Variants in RPTOR observed in about 807,000 individuals in gnomAD.
RPTOR encodes the protein regulatory associated protein of MTOR complex 1.
Under a neutral mutation model 169.9 loss-of-function variants are expected in RPTOR, and 21 were observed. The observed-to-expected ratio is 0.12, with a 90% CI of 0.09 to 0.18. RPTOR has a LOEUF of 0.18. Among genes scored for constraint, RPTOR ranks in the 10% least tolerant of loss-of-function variants. The pLI is 1.00. For synonymous variants in RPTOR, 732 were observed against 753.2 expected, an observed-to-expected ratio of 0.97 and a Z score of 0.46; for missense variants, 1,133 against 1,855.9, an observed-to-expected ratio of 0.61 and a Z score of 7.16.
At chr17:80,756,564 G>C (rs764021531) in intron 6 of RPTOR, among the ~76,000 whole-genome samples, 22 of 152,174 alleles carry the variant, frequency 1.4e-4, no homozygotes, top group Non-Finnish European at 2.8e-4. Flanking sequence ...CAGTCTTCCT[G>C]CAGCAAGGAT....
intron 3 of RPTOR, among the ~76,000 whole-genome samples, chr17:80,690,945 A>T (rs1598225729): frequency 6.6e-6 from 1 of 152,086 alleles, no homozygotes; most frequent in South Asian, 2.1e-4. Context: ...CAGGCACATG[A>T]CACTATGCCT....
At chr17:80,799,866 C>T (rs1363489333) in intron 7 of RPTOR, among the ~76,000 whole-genome samples, 1 of 152,216 alleles carries the variant, frequency 6.6e-6, no homozygotes, top group South Asian at 2.1e-4. Context: ...CATAACGTGA[C>T]AGATGGGCAG....
chr17:80,605,098 C>T (rs2315927), intron 1 of RPTOR, among the ~76,000 whole-genome samples: 41,247 of 152,020 alleles, frequency 0.27, 6,105 homozygotes, highest in East Asian at 0.42. Flanking sequence ...ATGGCCAAGA[C>T]GGTTAAGACG....
At chr17:80,906,167 C>T (rs550133425) in intron 20 of RPTOR, among the ~76,000 whole-genome samples, 4 of 151,928 alleles carry the variant, frequency 2.6e-5, no homozygotes, top group Admixed American at 6.5e-5. Flanking sequence ...GGGCCTGTCG[C>T]GGGAGGGAAT....
intron 1 of RPTOR, among the ~76,000 whole-genome samples, chr17:80,595,030 AAGAAGGG>A (rs1002196247): frequency 3.5e-5 from 5 of 143,174 alleles, no homozygotes; most frequent in Non-Finnish European, 7.8e-5. Flanking sequence ...TAAGGGGAAC[AAGAAGGG>A]AGAGAGAGAG....
chr17:80,667,986 G>A (rs563878811), intron 3 of RPTOR, among the ~76,000 whole-genome samples: 1 of 152,182 alleles, frequency 6.6e-6, no homozygotes, highest in African/African-American at 2.4e-5. Context: ...CTTCAGATGG[G>A]ATTCTGGAAC....
In RPTOR at chr17:80,545,082, G is replaced by C. The variant is rs1222859891; in HGVS notation, c.-548G>C. The C allele has an allele frequency of 4.3e-6, 1 of 233,510 alleles. No homozygotes were observed. The highest frequency in any genetic ancestry group is 8.5e-6 in the Non-Finnish European group (1 of 118,046). 14.5% of individuals were successfully genotyped at this position (233,510 alleles called of 1,614,324 possible). A position where few individuals can be genotyped will look rare whatever the true frequency, so the allele number is the denominator to read the frequency against. The stretch of plus-strand genomic sequence containing the variant: ...CGGGTGCAGGCGAGCACGATGGGCC[G>C]GTCGTGGCTCTGGTTGCAGCAGCTC... On this transcript the variant is annotated 5_prime_UTR_variant, in exon 1 of 34. Coordinates refer to ENST00000306801, the MANE Select transcript of RPTOR (RefSeq NM_020761.3).
rs2066659195 is a variant in RPTOR, at chr17:80,754,345, A to T, written c.830+160A>T. ...TTGTGTCATTCGGGATTCCAGGTGGAGGTTTGGGTTCTACTCTTTGAGAGC... is the reference window on the plus strand; with the variant it reads ...TTGTGTCATTCGGGATTCCAGGTGGTGGTTTGGGTTCTACTCTTTGAGAGC... On this transcript the variant is annotated intron_variant, in intron 6 of 33. Transcript: ENST00000306801. This position sits in a 1 kb window ranked among gnomAD's most constrained non-coding sequence, Gnocchi z 4.2. Among the ~76,000 whole-genome samples the T allele has an allele frequency of 1.3e-5, 2 of 151,972 alleles. No homozygotes were observed. Among genetic ancestry groups the T allele is most frequent in the South Asian group, 4.2e-4 (2 of 4,814 alleles).
intron 27 of RPTOR, among the ~76,000 whole-genome samples, chr17:80,948,027 A>T (rs76260343): frequency 0.023 from 3,453 of 152,310 alleles, 135 homozygotes; most frequent in African/African-American, 0.08. Flanking sequence ...CTTTGAAAAC[A>T]CGTGTCCATT....
intron 9 of RPTOR, among the ~76,000 whole-genome samples, chr17:80,834,590 T>G (rs2067543120): frequency 6.6e-6 from 1 of 152,156 alleles, no homozygotes; most frequent in East Asian, 1.9e-4. Context: ...CCCCCAGCCT[T>G]TTAGGAGCAC....
intron 13 of RPTOR, among the ~76,000 whole-genome samples, chr17:80,859,417 G>A (rs1429849625): frequency 6.6e-6 from 1 of 152,154 alleles, no homozygotes; most frequent in Non-Finnish European, 1.5e-5. Flanking sequence ...CAGGGTTGTT[G>A]GGGACAAAGA....
chr17:80,728,739 T>A (rs2066362304), intron 4 of RPTOR, among the ~76,000 whole-genome samples: 1 of 133,968 alleles, frequency 7.5e-6, no homozygotes, highest in Admixed American at 7.2e-5. Flanking sequence ...GCTCTTGTGC[T>A]TTTTTTTTTC....
intron 5 of RPTOR, among the ~76,000 whole-genome samples, chr17:80,741,133 A>C (rs2066478464): frequency 6.6e-6 from 1 of 152,230 alleles, no homozygotes; most frequent in Non-Finnish European, 1.5e-5. Context: ...CAAGGTTCTC[A>C]AGATGTGAAA....
intron 24 of RPTOR, among the ~76,000 whole-genome samples, chr17:80,926,895 A>AAT (rs1044221442): frequency 8.5e-5 from 13 of 152,128 alleles, no homozygotes; most frequent in African/African-American, 3.1e-4. Context: ...GAGTCGGGGG[A>AAT]AAAGAATCAA....
chr17:80,611,408 C>T (rs1463394279), intron 1 of RPTOR, among the ~76,000 whole-genome samples: 2 of 151,938 alleles, frequency 1.3e-5, no homozygotes, highest in Middle Eastern at 3.2e-3. Flanking sequence ...ATTATAGGCA[C>T]GCACCACCAC....
At chr17:80,742,765 C>G (rs956606914) in intron 5 of RPTOR, among the ~76,000 whole-genome samples, 1 of 151,984 alleles carries the variant, frequency 6.6e-6, no homozygotes, top group East Asian at 1.9e-4. Flanking sequence ...CATATAGACA[C>G]GCACATGTAT....
intron 24 of RPTOR, among the ~76,000 whole-genome samples, chr17:80,937,684 C>G (rs2068970936): frequency 6.6e-6 from 1 of 152,222 alleles, no homozygotes; most frequent in Non-Finnish European, 1.5e-5. Context: ...ACTGAAAAGC[C>G]TTTATTCAGC....
intron 9 of RPTOR, among the ~76,000 whole-genome samples, chr17:80,831,839 G>A (rs1278918959): frequency 3.0e-5 from 2 of 66,732 alleles, no homozygotes; most frequent in South Asian, 5.7e-4. Flanking sequence ...GTGTGTCACT[G>A]TGTATCCCTG....
At chr17:80,891,679 C>T in intron 17 of RPTOR, 41 bp from the exon 18 acceptor site, 1 of 1,340,276 alleles carries the variant, frequency 7.5e-7, no homozygotes, top group Non-Finnish European at 1.1e-6. Flanking sequence ...AATCATTTTC[C>T]AGCCCCAGTG....
Sources: allele counts gnomAD v4.1 joint callset (sites outside exome capture counted in the v4.1 genomes callset), GRCh38; gene constraint gnomAD v4.1.1; non-coding constraint Gnocchi (gnomAD v3.1); transcripts MANE v1.5; gene names NCBI Gene and HGNC (gene_info 2026-07-23, HGNC 2026-07-21).